Variants in AHCY observed in about 807,000 individuals in gnomAD.
AHCY encodes the protein S-adenosyl-L-homocysteine hydrolase.
AHCY carries 24 observed loss-of-function variants against 45.4 expected under a neutral mutation model. The observed-to-expected ratio is 0.53, with a 90% CI of 0.38 to 0.74. AHCY has a LOEUF of 0.74. AHCY is among the 30% of genes least tolerant of loss of function. The pLI, the probability that AHCY is intolerant of heterozygous loss-of-function variation, is 0.00. For missense variants in AHCY, 449 were observed against 594.1 expected, an observed-to-expected ratio of 0.76 and a Z score of 2.54; for synonymous variants, 245 against 235.1, an observed-to-expected ratio of 1.04 and a Z score of -0.39.
At chr20:34,252,959 CAT>C in the AHCY span, among the ~76,000 whole-genome samples, 1 of 152,210 alleles carries the variant, frequency 6.6e-6, no homozygotes, top group Non-Finnish European at 1.5e-5. Context: ...CAATACAGCA[CAT>C]GTTTCTGTGA....
At chr20:34,310,896 C>T (rs567664118) in intron 1 of AHCY, among the ~76,000 whole-genome samples, 39 of 152,176 alleles carry the variant, frequency 2.6e-4, no homozygotes, top group African/African-American at 9.2e-4. Flanking sequence ...AAGGCTGATT[C>T]GGGCGGGTCA....
intron 9 of AHCY, chr20:34,281,636 CGGAATCCTA>C (rs2036005002): frequency 4.5e-6 from 1 of 220,558 alleles, no homozygotes. Context: ...CATGATGACA[CGGAATCCTA>C]GGTTTCCAGT....
chr20:34,282,991 G>A (rs897909476), intron 9 of AHCY, among the ~76,000 whole-genome samples: 11 of 152,210 alleles, frequency 7.2e-5, no homozygotes, highest in Admixed American at 3.3e-4. Context: ...GGATGGGTGC[G>A]GTTTATCCTT....
chr20:34,299,799 C>T (rs6059756), intron 1 of AHCY, among the ~76,000 whole-genome samples: 1,689 of 152,326 alleles, frequency 0.011, 33 homozygotes, highest in African/African-American at 0.037. Context: ...TTTGATTCCT[C>T]TTTTCCTCTT....
chr20:34,285,294 G>T, intron 9 of AHCY, 146 bp downstream of exon 9: 1 of 839,844 alleles, frequency 1.2e-6, no homozygotes, highest in Non-Finnish European at 1.9e-6. Context: ...TGTCAATGGG[G>T]AGAATGACTT....
chr20:34,309,632 T>G (rs147234327), intron 1 of AHCY, among the ~76,000 whole-genome samples: 1 of 151,990 alleles, frequency 6.6e-6, no homozygotes, highest in South Asian at 2.1e-4. Context: ...AATACAAAAA[T>G]TAGCCGGGCG....
At chr20:34,302,281 G>A (rs1238359076) in intron 1 of AHCY, 2 of 153,620 alleles carry the variant, frequency 1.3e-5, no homozygotes, top group Non-Finnish European at 2.9e-5. Flanking sequence ...GACTACAGGG[G>A]TGAGCCACCA....
Position 34,280,987 on chromosome 20 carries a change from G to A in AHCY, c.*47C>T. ...ATTAGCTCTTAGGGAGGAGAGGTGG[G>A]GCCTGGGCAAGGACAGCAGCTGGAG... On this transcript the variant is annotated 3_prime_UTR_variant, in exon 10 of 10. Transcript: ENST00000217426. 2 of 1,612,806 alleles carry A rather than the reference G, an allele frequency of 1.2e-6. No homozygotes were observed. Among genetic ancestry groups the A allele is most frequent in the Non-Finnish European group, 1.7e-6 (2 of 1,179,634 alleles).
At chr20:34,277,704 G>A (rs1440500601), downstream of AHCY, among the ~76,000 whole-genome samples, 1 of 139,584 alleles carries the variant, frequency 7.2e-6, no homozygotes, top group Non-Finnish European at 1.5e-5. Context: ...GCAGTGAGCC[G>A]AGATCGCGCC....
the AHCY span, among the ~76,000 whole-genome samples, chr20:34,258,769 A>AAT: frequency 2.1e-5 from 2 of 96,324 alleles, no homozygotes; most frequent in Non-Finnish European, 1.9e-5. Context: ...TGATATATAT[A>AAT]ATATATATAG....
Position 34,295,524 on chromosome 20 carries a change from C to A in AHCY, c.90G>T (p.Pro30=). The change falls in exon 2 of 10, where the codon CCG becomes CCT. Residue 30 remains proline (P), a synonymous_variant. Transcript: ENST00000217426. ...ACCGCTCCCGCATACGCATCAGGCC[C>A]GGCATCTCGTTCTCAGCAATGTCCA... ...KALDIAENEM[P]GLMRMRERYS... The A allele has an allele frequency of 2.5e-6, 4 of 1,614,124 alleles. No homozygotes were observed. Among genetic ancestry groups the A allele is most frequent in the Non-Finnish European group, 3.4e-6 (4 of 1,180,032 alleles).
At chr20:34,291,626 G>T in intron 4 of AHCY, 95 bp from the exon 5 acceptor site, 1 of 1,165,936 alleles carries the variant, frequency 8.6e-7, no homozygotes, top group Non-Finnish European at 1.3e-6. Flanking sequence ...CCTCTTTCTG[G>T]GTTCCCATCT....
chr20:34,292,969 G>A (rs1244848100), intron 3 of AHCY, among the ~76,000 whole-genome samples: 1 of 152,128 alleles, frequency 6.6e-6, no homozygotes, highest in Non-Finnish European at 1.5e-5. Flanking sequence ...CAGGATCCAG[G>A]GTTTGCTCTG....
At chr20:34,254,345 G>A in the AHCY span, among the ~76,000 whole-genome samples, 2 of 152,242 alleles carry the variant, frequency 1.3e-5, no homozygotes, top group Non-Finnish European at 2.9e-5. Flanking sequence ...TTATAGGCGT[G>A]AGCCACAGGG....
intron 1 of AHCY, among the ~76,000 whole-genome samples, chr20:34,310,815 AGACC>A (rs1333571787): frequency 6.6e-6 from 1 of 152,210 alleles, no homozygotes; most frequent in Non-Finnish European, 1.5e-5. Flanking sequence ...CAACAAAGCG[AGACC>A]CTGTCCGTAT....
chr20:34,302,533 G>A (rs1351621550), intron 1 of AHCY: 1 of 855,552 alleles, frequency 1.2e-6, no homozygotes, highest in Non-Finnish European at 1.4e-6. Context: ...TTTCCCTATA[G>A]AGCCATGAGA....
At position 34,303,325 on chromosome 20, in the gene AHCY, A is replaced by T. The variant is rs2036847966; in HGVS notation, c.-55T>A. ...AAGGGGGCTGGGCCTCAGTCTGGGA[A>T]CAGGAACTGGGCGGGCAGCGCCGAG... On this transcript the variant is annotated 5_prime_UTR_variant, in exon 1 of 10. Coordinates refer to ENST00000217426, the MANE Select transcript of AHCY (RefSeq NM_000687.4). 2 of 1,551,076 alleles carry T rather than the reference A, an allele frequency of 1.3e-6. No homozygotes were observed. The highest frequency in any genetic ancestry group is 1.4e-5 in the African/African-American group (1 of 73,066).
upstream of AHCY, chr20:34,303,426 G>A: frequency 9.0e-7 from 1 of 1,117,238 alleles, no homozygotes; most frequent in Non-Finnish European, 1.3e-6. Context: ...CTGGGGCGGG[G>A]CCCAACGCGC....
chr20:34,258,774 A>T, the AHCY span, among the ~76,000 whole-genome samples: 1 of 99,488 alleles, frequency 1.0e-5, no homozygotes, highest in East Asian at 2.9e-4. Context: ...TATATAATAT[A>T]TATAGTATAT....
Sources: gnomAD v4.1 joint callset for allele counts (sites outside exome capture counted in the v4.1 genomes callset) on GRCh38, gnomAD v4.1.1 for gene constraint, MANE v1.5 for transcripts, NCBI Gene and HGNC (gene_info 2026-07-23, HGNC 2026-07-21) for gene names.